COL11A1: variants seen among roughly 807,000 people sequenced by gnomAD.
COL11A1 encodes collagen type XI alpha 1 chain.
Under a neutral mutation model 265.2 loss-of-function variants are expected in COL11A1, and 74 were observed. The ratio of observed to expected loss-of-function variants is 0.28; its 90% confidence interval spans 0.23 to 0.34. The LOEUF (loss-of-function observed/expected upper bound fraction) is 0.34, where lower values mean the gene tolerates loss of function less well. COL11A1 is among the 10% of genes least tolerant of loss of function. The pLI, the probability that COL11A1 is intolerant of heterozygous loss-of-function variation, is 1.00. For synonymous variants in COL11A1, 816 were observed against 727.6 expected (o/e 1.12, Z -1.96); for missense variants, 2,165 against 2,263.6 (o/e 0.96, Z 0.88).
Position 102,945,648 on chromosome 1 carries a change from C to T in COL11A1, c.3276+1201G>A, listed in dbSNP as rs577766815. On this transcript the variant is annotated intron_variant, in intron 42 of 66. Transcript: ENST00000370096. ...CAACTTATATTTTTGTGTATCAGAG[C>T]CAATACTTTTTATCTACATTTACTG... Among the ~76,000 whole-genome samples, 99 of 152,026 alleles carry T rather than the reference C, an allele frequency of 6.5e-4. 1 individual carries two copies. In the Middle Eastern group the frequency reaches 0.01, roughly 16 times the overall value.
intron 63 of COL11A1, among the ~76,000 whole-genome samples, chr1:102,883,808 T>TA (rs11322087): frequency 1.7e-3 from 241 of 145,264 alleles, no homozygotes; most frequent in South Asian, 3.7e-3. Context: ...CCTTATTTTA[T>TA]AAAAAAAAAA....
At chr1:102,928,722 G>C (rs1656966894) in intron 46 of COL11A1, among the ~76,000 whole-genome samples, 1 of 144,750 alleles carries the variant, frequency 6.9e-6, no homozygotes, top group East Asian at 2.1e-4. Context: ...CAGTGTAAAA[G>C]TGTTCCTATT....
chr1:102,964,816 C>G (rs1570888075), intron 38 of COL11A1, among the ~76,000 whole-genome samples: 1 of 152,032 alleles, frequency 6.6e-6, no homozygotes, highest in African/African-American at 2.4e-5. Context: ...TGTGTTCTGC[C>G]CATTCAATAT....
At chr1:102,998,104 G>A (rs1664796124) in intron 25 of COL11A1, among the ~76,000 whole-genome samples, 1 of 151,778 alleles carries the variant, frequency 6.6e-6, no homozygotes, top group South Asian at 2.1e-4. Context: ...TGCCAAATGA[G>A]TTTCCACAAA....
intron 4 of COL11A1, among the ~76,000 whole-genome samples, chr1:103,039,810 A>G (rs1031328958): frequency 1.3e-5 from 2 of 152,130 alleles, no homozygotes; most frequent in Non-Finnish European, 2.9e-5. Flanking sequence ...ATTGAAAAAA[A>G]ATACAAAATG....
At chr1:103,098,581 A>T (rs1051410842) in intron 1 of COL11A1, among the ~76,000 whole-genome samples, 1 of 151,882 alleles carries the variant, frequency 6.6e-6, no homozygotes, top group Non-Finnish European at 1.5e-5. Context: ...TTCATTCAAA[A>T]AATATTTACT....
rs371533362 is a variant in COL11A1 at position 103,041,592 on chromosome 1, T to C, written c.652-10348A>G. On this transcript the variant is annotated intron_variant, in intron 4 of 66. Transcript: ENST00000370096. The stretch of plus-strand genomic sequence containing the variant: ...AATGATACATTCATTCTTTAGAGAA[T>C]TGAAGTCTCTTTAAATCTAAATCGG... Among the ~76,000 whole-genome samples the C allele has an allele frequency of 6.6e-5, 10 of 152,078 alleles. No individual in the cohort carries two copies. In the East Asian group the frequency reaches 1.4e-3, roughly 21 times the overall value.
intron 49 of COL11A1, among the ~76,000 whole-genome samples, chr1:102,916,078 T>A (rs1471691500): frequency 1.3e-5 from 2 of 152,208 alleles, no homozygotes; most frequent in Non-Finnish European, 2.9e-5. Flanking sequence ...AATGTAAATT[T>A]ATTTATCTTA....
Position 103,010,316 on chromosome 1 carries a change from T to A in COL11A1, c.1630-1800A>T, listed in dbSNP as rs562454715. Among the ~76,000 whole-genome samples, 4 of 152,308 alleles carry A rather than the reference T, an allele frequency of 2.6e-5. No homozygotes were observed. In the East Asian group the frequency reaches 7.7e-4, roughly 29 times the overall value. On this transcript the variant is annotated intron_variant, in intron 14 of 66. Transcript: ENST00000370096. ...TTTGGAAGACTAATAATTTAATGTTTTGATGCAAACATCAAATTTGCATGT... is the reference window on the plus strand; with the variant it reads ...TTTGGAAGACTAATAATTTAATGTTATGATGCAAACATCAAATTTGCATGT...
chr1:102,968,765 A>G (rs528532580), intron 37 of COL11A1, among the ~76,000 whole-genome samples: 4 of 152,328 alleles, frequency 2.6e-5, no homozygotes, highest in Non-Finnish European at 5.9e-5. Flanking sequence ...GTGAAAAGCT[A>G]CAAAACAGAA....
chr1:102,953,788 T>C (rs2101494514), intron 41 of COL11A1, among the ~76,000 whole-genome samples: 1 of 152,298 alleles, frequency 6.6e-6, no homozygotes, highest in Non-Finnish European at 1.5e-5. Context: ...GGTAGGGCTT[T>C]TTCCACCATT....
intron 41 of COL11A1, among the ~76,000 whole-genome samples, chr1:102,950,144 T>A (rs1201224442): frequency 6.6e-6 from 1 of 151,826 alleles, no homozygotes; most frequent in East Asian, 1.9e-4. Context: ...ATACAAAAAT[T>A]ATCTGGGTGT....
rs1383040262 is a variant in COL11A1, at chr1:103,002,416, G to T, written c.2097+12C>A. The T allele has an allele frequency of 1.2e-6, 2 of 1,602,872 alleles. No individual in the cohort carries two copies. Among genetic ancestry groups the T allele is most frequent in the South Asian group, 1.1e-5 (1 of 88,832 alleles). On this transcript the variant is annotated intron_variant, in intron 23 of 66. Transcript: ENST00000370096. ...CCATTATTTCAAAGGAGCTGCAGTG[G>T]CTTAGACTTACCTGAGGTCCTGGAT... is the stretch of plus-strand genomic sequence containing the variant.
chr1:103,026,013 G>A, intron 6 of COL11A1: 1 of 1,533,256 alleles, frequency 6.5e-7, no homozygotes, highest in African/African-American at 1.4e-5. Context: ...GAAATATAGA[G>A]CACAGATGAA....
chr1:103,045,027 G>C (rs1317655084), intron 4 of COL11A1, among the ~76,000 whole-genome samples: 1 of 152,024 alleles, frequency 6.6e-6, no homozygotes, highest in African/African-American at 2.4e-5. Context: ...CTAAGAGAGA[G>C]CTTTCCAGGC....
chr1:102,947,360 C>CT (rs1659404686), intron 41 of COL11A1, among the ~76,000 whole-genome samples: 1 of 152,026 alleles, frequency 6.6e-6, no homozygotes, highest in South Asian at 2.1e-4. Flanking sequence ...ACTAGTGTTT[C>CT]TTGAAGTAAT....
chr1:102,913,101 A>C (rs1654887439), intron 53 of COL11A1, among the ~76,000 whole-genome samples: 1 of 152,168 alleles, frequency 6.6e-6, no homozygotes, highest in Non-Finnish European at 1.5e-5. Context: ...CCCCAGAGAC[A>C]AAATTGTGTT....
intron 4 of COL11A1, among the ~76,000 whole-genome samples, chr1:103,049,297 T>C (rs1302828431): frequency 6.6e-6 from 1 of 152,226 alleles, no homozygotes; most frequent in Admixed American, 6.5e-5. Context: ...ATTGGGTGCA[T>C]ATATACTTAG....
intron 4 of COL11A1, among the ~76,000 whole-genome samples, chr1:103,056,316 A>G (rs565951522): frequency 1.2e-4 from 18 of 152,308 alleles, no homozygotes; most frequent in South Asian, 2.1e-4. Flanking sequence ...TGTGTAACAG[A>G]CCCAAACCAA....
Sources: allele counts gnomAD v4.1 joint callset (sites outside exome capture counted in the v4.1 genomes callset), GRCh38; gene constraint gnomAD v4.1.1; transcripts MANE v1.5; gene names NCBI Gene and HGNC (gene_info 2026-07-23, HGNC 2026-07-21).